CDKN2A: variants seen among roughly 807,000 people sequenced by gnomAD.
The protein encoded by CDKN2A is cyclin-dependent kinase inhibitor 2A.
In CDKN2A, 3 loss-of-function variants were observed where a neutral mutation model predicts 11.1. That is an observed-to-expected ratio of 0.27 (90% CI 0.12 to 0.70). The LOEUF is 0.70. CDKN2A is among the 30% of genes least tolerant of loss of function. The pLI, the probability that CDKN2A is intolerant of heterozygous loss-of-function variation, is 0.77. For missense variants in CDKN2A, 265 were observed against 233.6 expected (o/e 1.13, Z -0.88); for synonymous variants, 122 against 108.1 (o/e 1.13, Z -0.80).
chr9:21,976,468 C>A (rs1820033964), upstream of CDKN2A, among the ~76,000 whole-genome samples: 1 of 151,796 alleles, frequency 6.6e-6, no homozygotes, highest in South Asian at 2.1e-4. Flanking sequence ...ATAATCCCAG[C>A]ATTCTGGGAG....
intron 2 of CDKN2A, among the ~76,000 whole-genome samples, chr9:21,969,144 G>A (rs1028918882): frequency 6.6e-6 from 1 of 152,128 alleles, no homozygotes; most frequent in African/African-American, 2.4e-5. Context: ...AGATAGCTTG[G>A]GACTGTAATC....
At chr9:21,977,381 G>A (rs920008843), upstream of CDKN2A, among the ~76,000 whole-genome samples, 2 of 152,006 alleles carry the variant, frequency 1.3e-5, no homozygotes, top group Non-Finnish European at 2.9e-5. Flanking sequence ...TTTTGAGATG[G>A]AGTTTCGCTC....
upstream of CDKN2A, among the ~76,000 whole-genome samples, chr9:21,975,580 C>T (rs1488325778): frequency 6.6e-6 from 1 of 152,172 alleles, no homozygotes; most frequent in Non-Finnish European, 1.5e-5. Flanking sequence ...TCCCCTTCCC[C>T]TCCTGCGTGT....
intron 2 of CDKN2A, among the ~76,000 whole-genome samples, chr9:21,984,514 C>A (rs1820260797): frequency 6.6e-6 from 1 of 152,048 alleles, no homozygotes; most frequent in Non-Finnish European, 1.5e-5. Context: ...AGATTTTCCC[C>A]TCTCAAATAT....
At position 21,968,394 on chromosome 9, in the gene CDKN2A, C is replaced by A. The variant is rs1056097289; in HGVS notation, c.458-152G>T. The A allele has an allele frequency of 1.1e-5, 17 of 1,519,782 alleles. No homozygotes were observed. Among genetic ancestry groups the A allele is most frequent in the Non-Finnish European group, 1.4e-5 (16 of 1,126,084 alleles). 94.1% of individuals were successfully genotyped at this position (1,519,782 alleles called of 1,614,324 possible). ...TTCACGTGCATGTACCCGCCGCCAC[C>A]GCTCTCCCACACCTCCCTGGTCCAG... is the stretch of plus-strand genomic sequence containing the variant. On this transcript the variant is annotated intron_variant, in intron 2 of 2. Coordinates refer to ENST00000304494, the MANE Select transcript of CDKN2A (RefSeq NM_000077.5). This position sits in a 1 kb window ranked among gnomAD's most constrained non-coding sequence, Gnocchi z 4.7.
In CDKN2A at chr9:21,971,183, A is replaced by C. The variant is rs104894099; in HGVS notation, c.176T>G (p.Val59Gly). 3 of 1,597,186 alleles carry C rather than the reference A, an allele frequency of 1.9e-6. No homozygotes were observed. Among genetic ancestry groups the C allele is most frequent in the Middle Eastern group, 1.7e-4 (1 of 5,888 alleles). ...IQVMMMGSAR[V>G]AELLLLHGAE... ...GCCGTGGAGCAGCAGCAGCTCCGCCACTCGGGCGCTGCCCATCATCATGAC... is the reference window on the plus strand; with the variant it reads ...GCCGTGGAGCAGCAGCAGCTCCGCCCCTCGGGCGCTGCCCATCATCATGAC... Residue 59 changes from valine (V) to glycine (G), a missense_variant, in exon 2 of 3, where the codon GTG (valine) becomes GGG (glycine). By Grantham distance (109) the Val-to-Gly change is moderately radical. Transcript: ENST00000304494.
rs771335991 is a variant in CDKN2A at position 21,994,312 on chromosome 9, A to G, written c.-175-259T>C. The G allele has an allele frequency of 1.2e-6, 2 of 1,605,138 alleles. No homozygotes were observed. The highest frequency in any genetic ancestry group is 2.2e-5 in the South Asian group (2 of 90,804). On this transcript the variant is annotated intron_variant, in intron 1 of 3. Coordinates refer to the CDKN2A transcript ENST00000494262. ...GCACGCGCGCCGAATCCGGAGGGTC[A>G]CCAAGAACCTGCGCACCATGTTCTC...
At position 21,968,342 on chromosome 9, in the gene CDKN2A, A is replaced by G. The variant is rs1427201104; in HGVS notation, c.458-100T>C. On this transcript the variant is annotated intron_variant, in intron 2 of 2. Transcript: ENST00000304494. This position sits in a 1 kb window ranked among gnomAD's most constrained non-coding sequence, Gnocchi z 4.7. ...TTGCCGTCCCTACCGGCATTGAAAT[A>G]CTTATGGATAAAGTTCTCGCAATGG... 1.3e-6 allele frequency: 2 copies of G among 1,535,878 alleles called. No homozygotes were observed. Among genetic ancestry groups the G allele is most frequent in the East Asian group, 4.5e-5 (2 of 44,076 alleles).
At position 21,991,038 on chromosome 9, in the gene CDKN2A, TA is replaced by T. The variant is rs1343734410; in HGVS notation, c.-4+2843del. Reference sequence around the variant, plus strand: ...GAATCAGAATTCAGATAATTTGTCTTAAAAATTCATATTCAATGTAAAAATT... The same window carrying T: ...GAATCAGAATTCAGATAATTTGTCTTAAAATTCATATTCAATGTAAAAATT... On this transcript the variant is annotated intron_variant, in intron 2 of 3. Transcript: ENST00000494262. The surrounding 1 kb of genome is among the most constrained non-coding windows in gnomAD (Gnocchi z 5.2). Among the ~76,000 whole-genome samples, 31 of 152,348 alleles carry T rather than the reference TA, an allele frequency of 2.0e-4. No homozygotes were observed. Among genetic ancestry groups the T allele is most frequent in the African/African-American group, 7.0e-4 (29 of 41,574 alleles).
intron 2 of CDKN2A, chr9:21,992,317 A>G: frequency 1.2e-6 from 1 of 842,522 alleles, no homozygotes; most frequent in Non-Finnish European, 1.4e-6. Context: ...ATAATTACAT[A>G]TCATTATAAT....
At chr9:21,992,787 C>T (rs1269690153) in intron 2 of CDKN2A, among the ~76,000 whole-genome samples, 1 of 151,784 alleles carries the variant, frequency 6.6e-6, no homozygotes, top group Admixed American at 6.6e-5. Flanking sequence ...TATATTCATA[C>T]AGTTACCGGT....
chr9:21,977,670 G>A (rs1355438668), upstream of CDKN2A, among the ~76,000 whole-genome samples: 1 of 152,106 alleles, frequency 6.6e-6, no homozygotes, highest in Non-Finnish European at 1.5e-5. Context: ...CCGGCCTACA[G>A]TGGTTCTTAA....
At chr9:21,993,799 C>CTGTGTGTGTGTGTGTGTGTGTGTG (rs71336508) in intron 2 of CDKN2A, 1 of 241,968 alleles carries the variant, frequency 4.1e-6, no homozygotes, top group African/African-American at 2.5e-5. Context: ...ACCTTTCCTA[C>CTGTGTGTGTGTGTGTGTGTGTGTG]TGTGTGTGTG....
In CDKN2A at chr9:21,974,079, C is replaced by T. The variant is rs909260639; in HGVS notation, c.150+599G>A. Among the ~76,000 whole-genome samples, 43 of 152,194 alleles carry T rather than the reference C, an allele frequency of 2.8e-4. No individual in the cohort carries two copies. The highest frequency in any genetic ancestry group is 9.2e-4 in the African/African-American group (38 of 41,530). On this transcript the variant is annotated intron_variant, in intron 1 of 2. Coordinates refer to ENST00000304494, the MANE Select transcript of CDKN2A (RefSeq NM_000077.5). The surrounding 1 kb of genome is among the most constrained non-coding windows in gnomAD (Gnocchi z 5.2). ...CTACTTTTTGTATTTTTAGTAGAGG[C>T]GAGGTTTCACCTGTTGGCCAGGCTG...
intron 2 of CDKN2A, 117 bp downstream of exon 2, chr9:21,970,785 G>A (rs974496107): frequency 3.1e-6 from 4 of 1,299,996 alleles, no homozygotes; most frequent in Admixed American, 1.9e-5. Context: ...CGATTGGCGC[G>A]TGAGCTGAGG....
At chr9:21,992,442 A>T (rs1820449264) in intron 2 of CDKN2A, 2 of 983,806 alleles carry the variant, frequency 2.0e-6, no homozygotes, top group South Asian at 4.7e-5. Flanking sequence ...CTTCCTGAAG[A>T]TTGCGCTTTT....
At chr9:21,987,073 G>A (rs1278657118) in intron 2 of CDKN2A, among the ~76,000 whole-genome samples, 3 of 151,932 alleles carry the variant, frequency 2.0e-5, no homozygotes, top group Admixed American at 2.0e-4. Flanking sequence ...ACAAATTTTA[G>A]CTTAAAAGCA....
rs746834149 is a variant in CDKN2A at position 21,974,724 on chromosome 9, C to G, written c.104G>C (p.Gly35Ala). The G allele has an allele frequency of 4.0e-5, 64 of 1,612,992 alleles. No homozygotes were observed. Among genetic ancestry groups the G allele is most frequent in the Non-Finnish European group, 5.4e-5 (64 of 1,179,872 alleles). Reference sequence around the variant, plus strand: ...ACTATTCGGTGCGTTGGGCAGCGCCCCCGCCTCCAGCAGCGCCCGCACCTC... The same window carrying G: ...ACTATTCGGTGCGTTGGGCAGCGCCGCCGCCTCCAGCAGCGCCCGCACCTC... ...VEEVRALLEA[G>A]ALPNAPNSYG... The change falls in exon 1 of 3, where the codon GGG becomes GCG. Residue 35 changes from glycine (G) to alanine (A), a missense_variant. By Grantham distance (60) the Gly-to-Ala change is moderately conservative. Transcript: ENST00000304494. This position sits in a 1 kb window ranked among gnomAD's most constrained non-coding sequence, Gnocchi z 5.2.
intron 2 of CDKN2A, 136 bp downstream of exon 2, chr9:21,970,766 C>T (rs1021250870): frequency 1.8e-6 from 2 of 1,096,520 alleles, no homozygotes; most frequent in Non-Finnish European, 2.7e-6. Context: ...GAGACTCAGG[C>T]CGTCCCACCG....
Sources: allele counts gnomAD v4.1 joint callset (sites outside exome capture counted in the v4.1 genomes callset), GRCh38; gene constraint gnomAD v4.1.1; non-coding constraint Gnocchi (gnomAD v3.1); transcripts MANE v1.5; gene names NCBI Gene and HGNC (gene_info 2026-07-23, HGNC 2026-07-21).